DLGAP2: variants seen among roughly 807,000 people sequenced by gnomAD.
The protein encoded by DLGAP2 is DLG associated protein 2.
DLGAP2 carries 26 observed loss-of-function variants against 100.3 expected under a neutral mutation model. The ratio of observed to expected loss-of-function variants is 0.26; its 90% CI spans 0.19 to 0.36. The LOEUF is 0.36. DLGAP2 is among the 10% of genes least tolerant of loss of function. The pLI is 1.00. For synonymous variants in DLGAP2, 886 were observed against 630.1 expected (o/e 1.41, Z -6.08); for missense variants, 1,858 against 1,453.2 (o/e 1.28, Z -4.53).
At position 912,011 on chromosome 8, in the gene DLGAP2, T is replaced by C. The variant is rs144535240; in HGVS notation, c.73+4045T>C. 3.9e-5 allele frequency among the ~76,000 whole-genome samples: 6 copies of C among 152,338 alleles called. No homozygotes were observed. The East Asian group carries it at 9.6e-4, about 24-fold the overall frequency. On this transcript the variant is annotated intron_variant, in intron 2 of 14. Transcript: ENST00000637795. ...CAGTTGTAAGCATAATACATTCTTT[T>C]CTTTAGGCTGCACAATTGGCGGGGT... is the stretch of plus-strand genomic sequence containing the variant.
chr8:1,140,048 C>T (rs1350550816), intron 2 of DLGAP2, among the ~76,000 whole-genome samples: 1 of 152,272 alleles, frequency 6.6e-6, no homozygotes, highest in Non-Finnish European at 1.5e-5. Context: ...TTAAATGGTG[C>T]TTTTTTTCTA....
chr8:1,433,455 A>C (rs1797518131), intron 3 of DLGAP2, among the ~76,000 whole-genome samples: 1 of 152,194 alleles, frequency 6.6e-6, no homozygotes, highest in Admixed American at 6.5e-5. Context: ...TCTTTTTGCA[A>C]AGGTGCTTGC....
intron 3 of DLGAP2, among the ~76,000 whole-genome samples, chr8:1,485,753 G>A (rs976497770): frequency 6.6e-6 from 1 of 152,196 alleles, no homozygotes; most frequent in African/African-American, 2.4e-5. Context: ...GGCTGAGCAT[G>A]GTGGCTCATG....
At chr8:785,276 C>T (rs990880604) in intron 1 of DLGAP2, among the ~76,000 whole-genome samples, 14 of 146,780 alleles carry the variant, frequency 9.5e-5, no homozygotes, top group Admixed American at 6.2e-4. Flanking sequence ...ACTTCAGATG[C>T]GCCGGATCCT....
intron 2 of DLGAP2, among the ~76,000 whole-genome samples, chr8:1,175,566 C>T (rs188811686): frequency 1.4e-4 from 22 of 152,242 alleles, no homozygotes; most frequent in Admixed American, 3.9e-4. Context: ...GCTCTATATG[C>T]GACTCCATTA....
intron 2 of DLGAP2, among the ~76,000 whole-genome samples, chr8:1,064,140 G>A (rs1016155294): frequency 3.9e-5 from 6 of 152,184 alleles, no homozygotes; most frequent in African/African-American, 1.4e-4. Context: ...ATGGCTGGTG[G>A]GGCGGTGTGG....
chr8:1,201,333 G>A (rs1261963697), intron 2 of DLGAP2, among the ~76,000 whole-genome samples: 1 of 152,208 alleles, frequency 6.6e-6, no homozygotes, highest in Non-Finnish European at 1.5e-5. Context: ...GAACCAGCAG[G>A]AGCTCTGCTC....
chr8:1,603,062 G>A (rs1047871595), intron 6 of DLGAP2, among the ~76,000 whole-genome samples: 1 of 152,060 alleles, frequency 6.6e-6, no homozygotes, highest in Admixed American at 6.5e-5. Flanking sequence ...GCAGAGCTTG[G>A]TTAGGGTGGA....
chr8:813,191 C>CA (rs1037488611), intron 1 of DLGAP2, among the ~76,000 whole-genome samples: 6 of 151,598 alleles, frequency 4.0e-5, no homozygotes, highest in African/African-American at 1.5e-4. Flanking sequence ...ATGGTCAAGA[C>CA]AAAAAACCTA....
intron 2 of DLGAP2, among the ~76,000 whole-genome samples, chr8:982,313 G>A (rs753512822): frequency 2.6e-5 from 4 of 152,234 alleles, no homozygotes; most frequent in South Asian, 4.1e-4. Context: ...CAGCATGTGC[G>A]ACAGTTTTTA....
At chr8:873,763 T>G (rs568604639) in intron 1 of DLGAP2, among the ~76,000 whole-genome samples, 3 of 152,208 alleles carry the variant, frequency 2.0e-5, no homozygotes, top group Non-Finnish European at 4.4e-5. Context: ...AATTGTTCTT[T>G]AAATAGATAT....
At chr8:892,176 T>C (rs1326440413) in intron 1 of DLGAP2, among the ~76,000 whole-genome samples, 2 of 152,120 alleles carry the variant, frequency 1.3e-5, no homozygotes, top group South Asian at 2.1e-4. Flanking sequence ...CGGAACCACC[T>C]TGTGACCCAG....
chr8:1,365,679 A>T (rs1461724634), intron 3 of DLGAP2, among the ~76,000 whole-genome samples: 1 of 152,210 alleles, frequency 6.6e-6, no homozygotes. Context: ...AAGCAAAATC[A>T]ATCTCGGGTC....
chr8:1,305,648 A>G (rs1346038770), intron 3 of DLGAP2, among the ~76,000 whole-genome samples: 1 of 152,190 alleles, frequency 6.6e-6, no homozygotes, highest in Non-Finnish European at 1.5e-5. Flanking sequence ...ATTACACTGA[A>G]AACCTACCAT....
intron 4 of DLGAP2, among the ~76,000 whole-genome samples, chr8:1,536,478 G>A (rs1042870563): frequency 6.6e-6 from 1 of 152,142 alleles, no homozygotes; most frequent in African/African-American, 2.4e-5. Context: ...ATTTTCAAGT[G>A]AACGAAAAGA....
rs576844779 is a variant in DLGAP2, at chr8:1,343,362, A to G, written c.106+84479A>G. 6.4e-3 allele frequency among the ~76,000 whole-genome samples: 968 copies of G among 152,246 alleles called. 10 individuals are homozygous for G. Among genetic ancestry groups the G allele is most frequent in the African/African-American group, 0.021 (878 of 41,566 alleles). ...GACATACATAGGACAAGACTCACAG[A>G]CACGGCCAACCGGAGTTGCCCACGA... is the stretch of plus-strand genomic sequence containing the variant. On this transcript the variant is annotated intron_variant, in intron 3 of 14. Coordinates refer to ENST00000637795, the MANE Select transcript of DLGAP2 (RefSeq NM_001346810.2).
intron 1 of DLGAP2, among the ~76,000 whole-genome samples, chr8:822,403 GGCTGCGGACACTGTCCACA>G (rs1434668744): frequency 1.3e-5 from 2 of 152,190 alleles, no homozygotes; most frequent in Non-Finnish European, 2.9e-5. Context: ...AAGCAGGAGA[GGCTGCGGACACTGTCCACA>G]GCTTCAGCTG....
chr8:1,277,899 C>T (rs1022842952), intron 3 of DLGAP2, among the ~76,000 whole-genome samples: 3 of 152,118 alleles, frequency 2.0e-5, no homozygotes, highest in Non-Finnish European at 4.4e-5. Flanking sequence ...ATGCTGACAG[C>T]GGAAACGTTA....
intron 2 of DLGAP2, among the ~76,000 whole-genome samples, chr8:1,088,208 T>C (rs1203137261): frequency 6.6e-6 from 1 of 152,212 alleles, no homozygotes; most frequent in Non-Finnish European, 1.5e-5. Flanking sequence ...GCACTAGTCC[T>C]GGTAGCCAAT....
Sources: allele counts gnomAD v4.1 joint callset (sites outside exome capture counted in the v4.1 genomes callset), GRCh38; gene constraint gnomAD v4.1.1; transcripts MANE v1.5; gene names NCBI Gene and HGNC (gene_info 2026-07-23, HGNC 2026-07-21).